Variants in ZZZ3 observed in about 807,000 individuals in gnomAD.
ZZZ3 encodes zinc finger ZZ-type containing 3, also known as ZZ-type zinc finger-containing protein 3.
In ZZZ3, 22 loss-of-function variants were observed where a neutral mutation model predicts 95.2. That is an observed-to-expected ratio of 0.23 (90% confidence interval 0.17 to 0.33). The LOEUF (loss-of-function observed/expected upper bound fraction) is 0.33. Among genes scored for constraint, ZZZ3 ranks in the 10% least tolerant of loss-of-function variants. The pLI is 1.00. For synonymous variants in ZZZ3, 335 were observed against 358.9 expected (o/e 0.93, Z 0.75); for missense variants, 885 against 1,066.5 (o/e 0.83, Z 2.37).
At chr1:77,665,579 G>A (rs1467062810) in intron 1 of ZZZ3, among the ~76,000 whole-genome samples, 2 of 152,092 alleles carry the variant, frequency 1.3e-5, no homozygotes, top group African/African-American at 2.4e-5. Flanking sequence ...CTGACTTCAC[G>A]CTTATGATTT....
At chr1:77,655,276 T>C (rs530364182) in intron 1 of ZZZ3, among the ~76,000 whole-genome samples, 2 of 152,334 alleles carry the variant, frequency 1.3e-5, no homozygotes, top group African/African-American at 4.8e-5. Flanking sequence ...AGTTTCAACA[T>C]GAGTTTTGGA....
intron 1 of ZZZ3, among the ~76,000 whole-genome samples, chr1:77,675,774 AC>A (rs1183360416): frequency 1.1e-4 from 16 of 152,326 alleles, no homozygotes; most frequent in African/African-American, 2.9e-4. Context: ...AAACATAAAT[AC>A]CTTTTTTCAA....
upstream of ZZZ3, among the ~76,000 whole-genome samples, chr1:77,682,975 C>G (rs12040261): frequency 1.3e-5 from 2 of 152,130 alleles, no homozygotes; most frequent in Non-Finnish European, 2.9e-5. Context: ...TCGGCGTGCC[C>G]GTCACGTGGG....
At chr1:77,579,487 C>G (rs199761831) in intron 10 of ZZZ3, 40 bp downstream of exon 10, 13 of 1,457,152 alleles carry the variant, frequency 8.9e-6, no homozygotes, top group Non-Finnish European at 1.2e-5. Context: ...AAAAAACTAC[C>G]AAAAGCATAC....
chr1:77,632,822 T>C lies in ZZZ3; in HGVS notation c.533A>G (p.Lys178Arg). 1 of 1,614,158 alleles carries C rather than the reference T, an allele frequency of 6.2e-7. No homozygotes were observed. Among genetic ancestry groups the C allele is most frequent in the Non-Finnish European group, 8.5e-7 (1 of 1,180,020 alleles). The change falls in exon 5 of 15, where the codon AAA becomes AGA. Residue 178 changes from lysine to arginine, a missense_variant. By Grantham distance (26) the Lys-to-Arg change is conservative. Coordinates refer to ENST00000370801, the MANE Select transcript of ZZZ3 (RefSeq NM_015534.6). ...ILDDCEKREI[K>R]KVNVSEEGPL... ...CCCTTCCTCACTGACATTCACCTTT[T>C]TAATTTCCCTTTTCTCACAATCATC...
At chr1:77,612,865 G>A (rs1665947910) in intron 5 of ZZZ3, among the ~76,000 whole-genome samples, 1 of 151,948 alleles carries the variant, frequency 6.6e-6, no homozygotes, top group Admixed American at 6.6e-5. Flanking sequence ...CAAGTTTAGA[G>A]AGCTAATATA....
At chr1:77,621,811 T>C (rs1666894794) in intron 5 of ZZZ3, among the ~76,000 whole-genome samples, 1 of 152,028 alleles carries the variant, frequency 6.6e-6, no homozygotes, top group Non-Finnish European at 1.5e-5. Context: ...AGCAAGACCC[T>C]GTCTTGAAAA....
chr1:77,644,276 G>A (rs934770279), intron 1 of ZZZ3, among the ~76,000 whole-genome samples: 10 of 151,852 alleles, frequency 6.6e-5, no homozygotes, highest in African/African-American at 2.2e-4. Context: ...ATGTTGGCCA[G>A]GCTGGTCTCA....
chr1:77,603,838 A>G (rs567304654), intron 5 of ZZZ3, among the ~76,000 whole-genome samples: 3 of 152,162 alleles, frequency 2.0e-5, no homozygotes, highest in African/African-American at 7.2e-5. Flanking sequence ...TTTAACAACA[A>G]AATTATTATT....
chr1:77,639,128 CAGAT>C (rs1350231737), intron 4 of ZZZ3, among the ~76,000 whole-genome samples: 12 of 151,852 alleles, frequency 7.9e-5, no homozygotes, highest in Admixed American at 2.6e-4. Flanking sequence ...GACAGACAGA[CAGAT>C]AGACAAAAGT....
At chr1:77,576,428 AC>A (rs957917218) in intron 11 of ZZZ3, among the ~76,000 whole-genome samples, 2 of 152,082 alleles carry the variant, frequency 1.3e-5, no homozygotes, top group Non-Finnish European at 2.9e-5. Flanking sequence ...TAGGGGAAAT[AC>A]CCCAACAACG....
intron 5 of ZZZ3, among the ~76,000 whole-genome samples, chr1:77,625,796 C>T (rs1005846923): frequency 1.3e-5 from 2 of 151,472 alleles, no homozygotes; most frequent in Non-Finnish European, 2.9e-5. Context: ...TCGAGACCAG[C>T]CTGGTCAACA....
chr1:77,663,238 A>G (rs1053948541), intron 1 of ZZZ3, among the ~76,000 whole-genome samples: 4 of 152,196 alleles, frequency 2.6e-5, no homozygotes, highest in African/African-American at 9.6e-5. Context: ...GGATAATTGA[A>G]AAAATTTGAT....
chr1:77,615,125 C>T lies in ZZZ3; in HGVS notation c.1505+16725G>A, dbSNP rs568645183. On this transcript the variant is annotated intron_variant, in intron 5 of 14. Coordinates refer to ENST00000370801, the MANE Select transcript of ZZZ3 (RefSeq NM_015534.6). ...TACAATTGATGATCAATAGACCAAA[C>T]AATTCAAGGAAGCTTTCTTCCTACC... is the stretch of plus-strand genomic sequence containing the variant. Among the ~76,000 whole-genome samples, 6 of 152,322 alleles carry T rather than the reference C, an allele frequency of 3.9e-5. No individual in the cohort carries two copies. In the South Asian group the frequency reaches 1.2e-3, roughly 32 times the overall value.
intron 1 of ZZZ3, among the ~76,000 whole-genome samples, chr1:77,655,730 C>T (rs920457505): frequency 6.6e-6 from 1 of 152,182 alleles, no homozygotes; most frequent in African/African-American, 2.4e-5. Flanking sequence ...ACTAATATGA[C>T]ATCATTTAAA....
At chr1:77,580,959 T>G (rs1232147499) in intron 9 of ZZZ3, 39 bp downstream of exon 9, 2 of 1,554,374 alleles carry the variant, frequency 1.3e-6, no homozygotes, top group Non-Finnish European at 1.8e-6. Context: ...ACTGTTTACT[T>G]GTTTTTTTAA....
chr1:77,614,846 G>T (rs1035484642), intron 5 of ZZZ3: 1 of 152,070 alleles, frequency 6.6e-6, no homozygotes, highest in Non-Finnish European at 1.5e-5. Flanking sequence ...TATTAATGAA[G>T]AAAATATAAA....
chr1:77,678,168 C>T (rs1204909948), intron 1 of ZZZ3, among the ~76,000 whole-genome samples: 1 of 152,196 alleles, frequency 6.6e-6, no homozygotes, highest in Middle Eastern at 3.2e-3. Flanking sequence ...TAATTATCTG[C>T]TTTACTATCT....
At chr1:77,658,528 T>C (rs575693366) in intron 1 of ZZZ3, among the ~76,000 whole-genome samples, 2 of 55,408 alleles carry the variant, frequency 3.6e-5, no homozygotes, top group East Asian at 2.4e-4. Flanking sequence ...TTTTTTTTTT[T>C]CTTCTTCTTC....
Sources: allele counts gnomAD v4.1 joint callset (sites outside exome capture counted in the v4.1 genomes callset), GRCh38; gene constraint gnomAD v4.1.1; transcripts MANE v1.5; gene names NCBI Gene and HGNC (gene_info 2026-07-23, HGNC 2026-07-21).